The following IQUB variants were observed in gnomAD, a reference collection of about 807,000 sequenced individuals.
IQUB encodes IQ motif and ubiquitin-like domain-containing protein.
A neutral mutation model predicts 86.4 loss-of-function variants in IQUB; 86 were observed. That is an observed-to-expected ratio of 1.00 (90% CI 0.84 to 1.19). IQUB has a LOEUF of 1.19. IQUB is among the 50% of genes most tolerant of loss of function. The probability of loss-of-function intolerance (pLI) is 0.00; values close to 1 mark genes in which losing one functional copy is unlikely to be tolerated. For missense variants in IQUB, 946 were observed against 916.9 expected (o/e 1.03, Z -0.41); for synonymous variants, 289 against 304.5 (o/e 0.95, Z 0.53).
At chr7:123,500,130 T>C (rs576907031) in intron 6 of IQUB, among the ~76,000 whole-genome samples, 4 of 152,292 alleles carry the variant, frequency 2.6e-5, no homozygotes, top group Admixed American at 2.0e-4. Context: ...ACCATAAAAA[T>C]GGGCAACCAG....
chr7:123,530,965 G>C (rs1306831660), intron 1 of IQUB, among the ~76,000 whole-genome samples: 1 of 152,050 alleles, frequency 6.6e-6, no homozygotes, highest in Non-Finnish European at 1.5e-5. Flanking sequence ...TGCTCTTTGA[G>C]AGCTTTACAA....
chr7:123,533,689 C>T (rs192435559), intron 1 of IQUB, among the ~76,000 whole-genome samples: 25 of 152,204 alleles, frequency 1.6e-4, no homozygotes, highest in Admixed American at 1.3e-3. Context: ...AGTGTAAAAG[C>T]CAATCACAGA....
intron 10 of IQUB, among the ~76,000 whole-genome samples, chr7:123,462,995 G>A (rs1584550942): frequency 1.3e-5 from 2 of 151,548 alleles, no homozygotes; most frequent in South Asian, 4.1e-4. Context: ...CTCCCACTAT[G>A]CAAACTAAAA....
At chr7:123,484,362 C>T (rs1795129557) in intron 7 of IQUB, among the ~76,000 whole-genome samples, 1 of 151,900 alleles carries the variant, frequency 6.6e-6, no homozygotes, top group South Asian at 2.1e-4. Flanking sequence ...AATCTATATA[C>T]CAAAAAGCAG....
In IQUB at chr7:123,496,776, T is replaced by C. The variant is rs1049789194; in HGVS notation, c.1154A>G (p.Glu385Gly). The C allele has an allele frequency of 6.2e-7, 1 of 1,611,776 alleles. No homozygotes were observed. Among genetic ancestry groups the C allele is most frequent in the African/African-American group, 1.3e-5 (1 of 74,874 alleles). ...CCGGTGATAGTCCAATTTTATCCAT[T>C]CTTCTTTTTCTCTTATCTTCCTTAG... ...QELRKIREKEEWIKLDYHRRH... is the reference protein window; with the variant it reads ...QELRKIREKEGWIKLDYHRRH... The change falls in exon 7 of 13, where the codon GAA (glutamate) becomes GGA (glycine). Residue 385 changes from glutamate (E) to glycine (G), a missense_variant. Glu to Gly is a moderately conservative substitution (Grantham distance 98, BLOSUM62 -2). Coordinates refer to ENST00000324698, the MANE Select transcript of IQUB (RefSeq NM_178827.5).
chr7:123,493,308 CA>C lies in IQUB; in HGVS notation c.1234+3387del, dbSNP rs932941095. On this transcript the variant is annotated intron_variant, in intron 7 of 12. Coordinates refer to ENST00000324698, the MANE Select transcript of IQUB (RefSeq NM_178827.5). ...CCCAAAGCATAGCAATGGCTCTCTCCAAAAAAAACCTACCTTACTAACCTCT... is the reference window on the plus strand; with the variant it reads ...CCCAAAGCATAGCAATGGCTCTCTCCAAAAAAACCTACCTTACTAACCTCT... 2.1e-4 allele frequency among the ~76,000 whole-genome samples: 32 copies of C among 151,864 alleles called. No individual in the cohort carries two copies. The East Asian group carries it at 5.8e-3, about 28-fold the overall frequency.
chr7:123,481,162 C>T (rs906989627), intron 7 of IQUB, among the ~76,000 whole-genome samples: 3 of 152,104 alleles, frequency 2.0e-5, no homozygotes, highest in East Asian at 3.9e-4. Context: ...GGTTCTAATA[C>T]TAGCCTGTGA....
intron 1 of IQUB, among the ~76,000 whole-genome samples, chr7:123,516,310 A>G (rs796192139): frequency 3.1e-4 from 47 of 152,360 alleles, no homozygotes; most frequent in African/African-American, 1.0e-3. Flanking sequence ...TTGGCTGTAT[A>G]AAAATAATGT....
intron 3 of IQUB, among the ~76,000 whole-genome samples, chr7:123,504,849 C>G (rs1796105838): frequency 6.6e-6 from 1 of 152,174 alleles, no homozygotes; most frequent in Non-Finnish European, 1.5e-5. Flanking sequence ...AACAGTCCCC[C>G]AAGTATTAAC....
intron 1 of IQUB, among the ~76,000 whole-genome samples, chr7:123,524,041 T>C (rs111935289): frequency 0.32 from 44,279 of 137,400 alleles, 7,249 homozygotes; most frequent in African/African-American, 0.33. Flanking sequence ...TCTGAGGGCT[T>C]TGTTCTGTTC....
intron 7 of IQUB, among the ~76,000 whole-genome samples, chr7:123,488,120 C>A (rs924424152): frequency 6.6e-6 from 1 of 151,674 alleles, no homozygotes; most frequent in Non-Finnish European, 1.5e-5. Flanking sequence ...CCGAGGCGGG[C>A]GGATCACGAG....
At chr7:123,532,939 G>C (rs922362803) in intron 1 of IQUB, 1 of 152,400 alleles carries the variant, frequency 6.6e-6, no homozygotes, top group Non-Finnish European at 1.5e-5. Context: ...GCGGAGGCCG[G>C]CAGTTGCTCG....
chr7:123,507,146 A>G (rs189985353), intron 3 of IQUB, among the ~76,000 whole-genome samples: 19 of 152,314 alleles, frequency 1.2e-4, no homozygotes, highest in Non-Finnish European at 8.8e-5. Context: ...ACACCACTAC[A>G]TTCTCCAGCT....
intron 3 of IQUB, among the ~76,000 whole-genome samples, chr7:123,509,187 A>C (rs1003383800): frequency 6.6e-6 from 1 of 152,176 alleles, no homozygotes; most frequent in East Asian, 1.9e-4. Flanking sequence ...TTCTATAAAA[A>C]CATATATTTA....
At chr7:123,481,000 T>A (rs1794979230) in intron 7 of IQUB, among the ~76,000 whole-genome samples, 2 of 152,250 alleles carry the variant, frequency 1.3e-5, no homozygotes, top group South Asian at 2.1e-4. Flanking sequence ...AAAAGAAAAC[T>A]CTTTTGTATC....
chr7:123,453,762 C>T (rs1383368903), intron 12 of IQUB, among the ~76,000 whole-genome samples: 1 of 152,080 alleles, frequency 6.6e-6, no homozygotes, highest in Non-Finnish European at 1.5e-5. Flanking sequence ...TTATAAATTG[C>T]TTTTTCTGTT....
intron 6 of IQUB, 110 bp from the exon 7 acceptor site, chr7:123,497,016 T>C (rs983625993): frequency 1.2e-5 from 8 of 667,776 alleles, no homozygotes; most frequent in African/African-American, 3.7e-5. Context: ...AATAACTGAG[T>C]CTAGTTTTAG....
intron 8 of IQUB, among the ~76,000 whole-genome samples, chr7:123,477,446 T>C (rs960669380): frequency 8.5e-5 from 13 of 152,168 alleles, no homozygotes; most frequent in Non-Finnish European, 1.8e-4. Context: ...TAATTCAAGA[T>C]GGATTAAAGA....
intron 1 of IQUB, among the ~76,000 whole-genome samples, chr7:123,532,021 T>C (rs1213404272): frequency 2.0e-5 from 3 of 152,172 alleles, no homozygotes; most frequent in Admixed American, 1.3e-4. Flanking sequence ...TTAGTAACTA[T>C]TTGATGATAA....
Sources: gnomAD v4.1 joint callset for allele counts (sites outside exome capture counted in the v4.1 genomes callset) on GRCh38, gnomAD v4.1.1 for gene constraint, MANE v1.5 for transcripts, NCBI Gene and HGNC (gene_info 2026-07-23, HGNC 2026-07-21) for gene names.